The following GLRA1 variants were observed in gnomAD, a reference collection of about 807,000 sequenced individuals.
The protein encoded by GLRA1 is glycine receptor subunit alpha-1.
Under a neutral mutation model 48.3 loss-of-function variants are expected in GLRA1, and 37 were observed. The ratio of observed to expected loss-of-function variants is 0.77; its 90% CI spans 0.59 to 1.01. The LOEUF (loss-of-function observed/expected upper bound fraction) is 1.01, where lower values mean the gene tolerates loss of function less well. Ranked by LOEUF, GLRA1 falls within the 50% of genes least tolerant of loss-of-function variation. The pLI, the probability that GLRA1 is intolerant of heterozygous loss-of-function variation, is 0.00. For synonymous variants in GLRA1, 196 were observed against 210.7 expected (o/e 0.93, Z 0.60); for missense variants, 427 against 571.0 (o/e 0.75, Z 2.57).
intron 7 of GLRA1, among the ~76,000 whole-genome samples, chr5:151,847,289 G>A (rs1422275056): frequency 1.3e-5 from 2 of 152,208 alleles, no homozygotes; most frequent in Non-Finnish European, 2.9e-5. Context: ...AGTGAATGTG[G>A]TAGAATGCAG....
At chr5:151,893,121 TG>T (rs754940021) in intron 1 of GLRA1, among the ~76,000 whole-genome samples, 1 of 152,162 alleles carries the variant, frequency 6.6e-6, no homozygotes, top group Non-Finnish European at 1.5e-5. Flanking sequence ...CTTATTTCAC[TG>T]TATCGAGAGT....
At chr5:151,851,305 G>T (rs957837977) in intron 7 of GLRA1, 85 bp downstream of exon 7, 1 of 874,888 alleles carries the variant, frequency 1.1e-6, no homozygotes, top group Non-Finnish European at 1.9e-6. Context: ...TAATTCCTTT[G>T]CTCCCCATGT....
intron 1 of GLRA1, among the ~76,000 whole-genome samples, chr5:151,916,336 G>A (rs1433117452): frequency 6.6e-6 from 1 of 152,202 alleles, no homozygotes; most frequent in Non-Finnish European, 1.5e-5. Context: ...TTATAAGACA[G>A]TACTGCAAAT....
At chr5:151,872,589 C>T (rs891399993) in intron 3 of GLRA1, among the ~76,000 whole-genome samples, 2 of 149,708 alleles carry the variant, frequency 1.3e-5, no homozygotes, top group Non-Finnish European at 2.9e-5. Flanking sequence ...CACAAGAATG[C>T]TCATTGTAGC....
intron 3 of GLRA1, among the ~76,000 whole-genome samples, chr5:151,872,327 A>G (rs2913878): frequency 0.57 from 84,947 of 148,424 alleles, 25,753 homozygotes; most frequent in East Asian, 0.69. Context: ...TTCACTAGGA[A>G]TCTGAAGTGC....
chr5:151,844,700 A>G (rs1262942855), intron 7 of GLRA1, among the ~76,000 whole-genome samples: 2 of 151,780 alleles, frequency 1.3e-5, no homozygotes, highest in African/African-American at 4.8e-5. Context: ...CAGATAAATT[A>G]GACTTTATCA....
chr5:151,859,048 C>A (rs1370227802), intron 4 of GLRA1, among the ~76,000 whole-genome samples: 1 of 152,076 alleles, frequency 6.6e-6, no homozygotes, highest in African/African-American at 2.4e-5. Context: ...GAAAAATGGG[C>A]CTGGTAAAAC....
At chr5:151,862,615 A>G (rs1753234454) in intron 3 of GLRA1, among the ~76,000 whole-genome samples, 1 of 152,196 alleles carries the variant, frequency 6.6e-6, no homozygotes, top group Non-Finnish European at 1.5e-5. Flanking sequence ...AGAAAAATTC[A>G]GGAGCCAAAT....
At chr5:151,855,812 T>G (rs1013750144) in intron 5 of GLRA1, among the ~76,000 whole-genome samples, 2 of 152,234 alleles carry the variant, frequency 1.3e-5, no homozygotes, top group Non-Finnish European at 2.9e-5. Flanking sequence ...TCCAATCTGT[T>G]AAAATCCCAG....
At chr5:151,885,741 T>C (rs1046803920) in intron 3 of GLRA1, among the ~76,000 whole-genome samples, 1 of 152,126 alleles carries the variant, frequency 6.6e-6, no homozygotes, top group Non-Finnish European at 1.5e-5. Flanking sequence ...ACAGGGAGCC[T>C]CCTCAGCTTT....
chr5:151,881,926 T>C (rs1462606678), intron 3 of GLRA1, among the ~76,000 whole-genome samples: 1 of 152,202 alleles, frequency 6.6e-6, no homozygotes, highest in East Asian at 1.9e-4. Flanking sequence ...GGAAAGTTTC[T>C]GAAACCCGGA....
chr5:151,835,198 C>T (rs895535701), intron 7 of GLRA1, among the ~76,000 whole-genome samples: 8 of 152,044 alleles, frequency 5.3e-5, no homozygotes, highest in Non-Finnish European at 1.0e-4. Context: ...TTCCTGGACA[C>T]ATACACCCTC....
chr5:151,825,872 CA>C (rs1219320824), intron 8 of GLRA1, among the ~76,000 whole-genome samples: 1 of 152,180 alleles, frequency 6.6e-6, no homozygotes, highest in African/African-American at 2.4e-5. Context: ...ATCCCTTCTG[CA>C]AACTTCCTGT....
intron 1 of GLRA1, among the ~76,000 whole-genome samples, chr5:151,913,411 A>T (rs1468115113): frequency 1.3e-5 from 2 of 152,202 alleles, no homozygotes; most frequent in Non-Finnish European, 1.5e-5. Flanking sequence ...GGTGAGACTT[A>T]TGGATGTACT....
chr5:151,875,410 G>A (rs1215487412), intron 3 of GLRA1, among the ~76,000 whole-genome samples: 1 of 152,184 alleles, frequency 6.6e-6, no homozygotes. Flanking sequence ...TTAGCTTCAA[G>A]TGATCCTTTT....
Position 151,859,870 on chromosome 5 carries a change from C to T in GLRA1, c.391G>A (p.Glu131Lys), listed in dbSNP as rs779234204. ...IWKPDLFFAN[E>K]KGAHFHEITT... ...ATCTCATGGAAGTGGGCCCCCTTCTCGTTGGCAAAGAACAGGTCAGGTTTC... is the reference window on the plus strand; with the variant it reads ...ATCTCATGGAAGTGGGCCCCCTTCTTGTTGGCAAAGAACAGGTCAGGTTTC... Residue 131 changes from glutamate (E) to lysine (K), a missense_variant, in exon 4 of 9, where the codon GAG becomes AAG. Coordinates refer to ENST00000274576, the MANE Select transcript of GLRA1 (RefSeq NM_000171.4). The T allele has an allele frequency of 9.9e-6, 16 of 1,614,068 alleles. No homozygotes were observed. Among genetic ancestry groups the T allele is most frequent in the Admixed American group, 8.3e-5 (5 of 60,020 alleles).
intron 3 of GLRA1, among the ~76,000 whole-genome samples, chr5:151,882,665 T>C (rs901730824): frequency 6.6e-6 from 1 of 152,144 alleles, no homozygotes; most frequent in African/African-American, 2.4e-5. Flanking sequence ...ACCTTACCAT[T>C]CTAACAACCA....
rs1294703953 is a variant in GLRA1 at position 151,893,303 on chromosome 5, T to A, written c.57-865A>T. Among the ~76,000 whole-genome samples the A allele has an allele frequency of 2.4e-3, 331 of 136,798 alleles. 2 individuals are homozygous for A. The highest frequency in any genetic ancestry group is 9.0e-3 in the African/African-American group (320 of 35,414). 89.7% of individuals were successfully genotyped at this position (136,798 alleles called of 152,430 possible). On this transcript the variant is annotated intron_variant, in intron 1 of 8. Transcript: ENST00000274576. ...GCCCAACTTTCTTTCTTTCTTTCTT[T>A]CTTTCTTTCTTTCTTTCTTTCTTTC...
intron 7 of GLRA1, among the ~76,000 whole-genome samples, chr5:151,847,116 A>G (rs530627846): frequency 2.0e-5 from 3 of 152,366 alleles, no homozygotes; most frequent in South Asian, 2.1e-4. Context: ...CAACTTTTCT[A>G]TATCAAAACA....
Sources: gnomAD v4.1 joint callset for allele counts (sites outside exome capture counted in the v4.1 genomes callset) on GRCh38, gnomAD v4.1.1 for gene constraint, MANE v1.5 for transcripts, NCBI Gene and HGNC (gene_info 2026-07-23, HGNC 2026-07-21) for gene names.